Variants in XPNPEP3 observed in about 807,000 individuals in gnomAD.
XPNPEP3 encodes X-prolyl aminopeptidase 3.
XPNPEP3 carries 41 observed loss-of-function variants against 60.0 expected under a neutral mutation model. That is an observed-to-expected ratio of 0.68 (90% confidence interval 0.53 to 0.89). XPNPEP3 has a LOEUF of 0.89. Among genes scored for constraint, XPNPEP3 ranks in the 40% least tolerant of loss-of-function variants. The pLI is 0.00. For missense variants in XPNPEP3, 598 were observed against 638.9 expected, an observed-to-expected ratio of 0.94 and a Z score of 0.69; for synonymous variants, 212 against 223.2, an observed-to-expected ratio of 0.95 and a Z score of 0.45.
At chr22:40,912,542 G>GT (rs2058180737) in intron 6 of XPNPEP3, among the ~76,000 whole-genome samples, 2 of 151,924 alleles carry the variant, frequency 1.3e-5, no homozygotes, top group South Asian at 4.1e-4. Context: ...CCTTACTGTA[G>GT]TAAATCTCAT....
chr22:40,881,486 A>C (rs1228381323), intron 2 of XPNPEP3, among the ~76,000 whole-genome samples: 1 of 152,038 alleles, frequency 6.6e-6, no homozygotes, highest in Non-Finnish European at 1.5e-5. Context: ...TATTCAATGA[A>C]TATAACTGAG....
At position 40,872,224 on chromosome 22, in the gene XPNPEP3, C is replaced by T. The variant is rs906924737; in HGVS notation, c.181+3109C>T. On this transcript the variant is annotated intron_variant, in intron 2 of 9. Coordinates refer to ENST00000357137, the MANE Select transcript of XPNPEP3 (RefSeq NM_022098.4). Reference sequence around the variant, plus strand: ...GGCTGTGCTAGGTTCTGTGATTTTACGGCTAGGTTCTAGTGATTTTCAAAA... The same window carrying T: ...GGCTGTGCTAGGTTCTGTGATTTTATGGCTAGGTTCTAGTGATTTTCAAAA... Among the ~76,000 whole-genome samples the T allele has an allele frequency of 2.6e-5, 4 of 152,120 alleles. 1 individual carries two copies. The South Asian group carries it at 6.2e-4, about 24-fold the overall frequency.
At position 40,857,198 on chromosome 22, in the gene XPNPEP3, C is replaced by G. The variant is rs2057905599; in HGVS notation, c.17C>G (p.Ser6Ter). Residue 6 changes from serine to a stop codon, truncating the protein, a stop_gained, in exon 1 of 10, where the codon TCA becomes TGA. Coordinates refer to ENST00000357137, the MANE Select transcript of XPNPEP3 (RefSeq NM_022098.4). LOFTEE classifies it high-confidence loss of function. MPWLL[S>*]APKLVPAVAN... ...TAGGCCGTAATGCCTTGGCTGCTCT[C>G]AGCCCCCAAGCTGGTTCCCGCTGTA... 2 of 1,614,110 alleles carry G rather than the reference C, an allele frequency of 1.2e-6. No individual in the cohort carries two copies. Among genetic ancestry groups the G allele is most frequent in the Non-Finnish European group, 8.5e-7 (1 of 1,180,050 alleles).
intron 3 of XPNPEP3, 131 bp from the exon 4 acceptor site, chr22:40,886,182 A>C: frequency 1.1e-6 from 1 of 874,858 alleles, no homozygotes; most frequent in Non-Finnish European, 1.9e-6. Context: ...GAGAGTCTTA[A>C]GTCTCAACAC....
chr22:40,904,754 A>C (rs767283682), intron 4 of XPNPEP3, among the ~76,000 whole-genome samples: 1 of 152,064 alleles, frequency 6.6e-6, no homozygotes, highest in Non-Finnish European at 1.5e-5. Context: ...GTGTCCTTTA[A>C]TTGATTTTTT....
chr22:40,909,358 T>TA, intron 6 of XPNPEP3, 123 bp downstream of exon 6: 2 of 807,272 alleles, frequency 2.5e-6, no homozygotes, highest in Non-Finnish European at 4.2e-6. Flanking sequence ...AAGTATTTTA[T>TA]TGCTTATAAA....
At chr22:40,903,048 C>T (rs575063902) in intron 4 of XPNPEP3, among the ~76,000 whole-genome samples, 4 of 152,292 alleles carry the variant, frequency 2.6e-5, no homozygotes, top group African/African-American at 9.6e-5. Context: ...CTGACGAGCT[C>T]ATGGAGACCC....
chr22:40,861,784 C>T, intron 1 of XPNPEP3: 1 of 1,613,544 alleles, frequency 6.2e-7, no homozygotes, highest in Non-Finnish European at 8.5e-7. Context: ...TTTAATCCTT[C>T]TGTGCCATAT....
intron 6 of XPNPEP3, among the ~76,000 whole-genome samples, chr22:40,909,863 T>C (rs998089176): frequency 1.3e-5 from 2 of 151,944 alleles, no homozygotes; most frequent in Non-Finnish European, 2.9e-5. Context: ...TATTCTACTC[T>C]AAAGCCTCTG....
chr22:40,921,221 T>C (rs79601542), intron 7 of XPNPEP3, among the ~76,000 whole-genome samples: 1,864 of 152,194 alleles, frequency 0.012, 38 homozygotes, highest in African/African-American at 0.042. Context: ...TCAAGGGACA[T>C]ACCTACAAGT....
chr22:40,887,422 A>G (rs953176855), intron 4 of XPNPEP3, among the ~76,000 whole-genome samples: 2 of 152,152 alleles, frequency 1.3e-5, no homozygotes, highest in Non-Finnish European at 2.9e-5. Context: ...AACAAGAGAA[A>G]TGTATTGTCT....
rs2058122478 is a variant in XPNPEP3, at chr22:40,899,411, C to T, written c.793-8176C>T. Among the ~76,000 whole-genome samples, 3 of 152,174 alleles carry T rather than the reference C, an allele frequency of 2.0e-5. No individual in the cohort carries two copies. In the South Asian group the frequency reaches 6.2e-4, roughly 31 times the overall value. ...ATCCATTTTGCTAGCTCGTGAAGTTCAGGGTCTATCATTTCCACATTCCAT... is the reference window on the plus strand; with the variant it reads ...ATCCATTTTGCTAGCTCGTGAAGTTTAGGGTCTATCATTTCCACATTCCAT... On this transcript the variant is annotated intron_variant, in intron 4 of 9. Transcript: ENST00000357137.
At position 40,886,483 on chromosome 22, in the gene XPNPEP3, C is replaced by T. The variant is rs369303034; in HGVS notation, c.760C>T (p.Arg254Ter). The T allele has an allele frequency of 6.8e-6, 11 of 1,613,856 alleles. No individual in the cohort carries two copies. The African/African-American group carries it at 1.1e-4, about 16-fold the overall frequency. ...GATCAAGTCTCCTGCAGAAATTGAA[C>T]GAATGCAGATTGCTGGGAAGCTGAC... The part of the protein sequence containing the change: ...RLIKSPAEIE[R>*]MQIAGKLTSQ... Residue 254 changes from arginine (R) to a stop codon, truncating the protein, a stop_gained, in exon 4 of 10, where the codon CGA becomes TGA. Transcript: ENST00000357137. LOFTEE classifies it high-confidence loss of function.
At chr22:40,921,998 A>G (rs2058218355) in intron 7 of XPNPEP3, among the ~76,000 whole-genome samples, 1 of 151,502 alleles carries the variant, frequency 6.6e-6, no homozygotes, top group Non-Finnish European at 1.5e-5. Flanking sequence ...ATGGTAGTCT[A>G]TGCTGTAAGG....
intron 2 of XPNPEP3, among the ~76,000 whole-genome samples, chr22:40,873,103 T>TC (rs1394425016): frequency 1.7e-4 from 22 of 130,032 alleles, no homozygotes; most frequent in Admixed American, 4.5e-4. Context: ...TTTTTCTTTT[T>TC]TTTTTTTTTT....
chr22:40,877,828 C>T (rs55829091), intron 2 of XPNPEP3, among the ~76,000 whole-genome samples: 143 of 152,314 alleles, frequency 9.4e-4, no homozygotes, highest in Non-Finnish European at 1.9e-3. Flanking sequence ...ATAACACCTT[C>T]CAAGTTTACT....
chr22:40,901,743 G>C (rs1420122487), intron 4 of XPNPEP3, among the ~76,000 whole-genome samples: 1 of 152,210 alleles, frequency 6.6e-6, no homozygotes, highest in African/African-American at 2.4e-5. Flanking sequence ...GGGACTACAG[G>C]CGTGAGCCAC....
intron 4 of XPNPEP3, chr22:40,888,344 A>G (rs551349450): frequency 3.4e-5 from 13 of 381,448 alleles, no homozygotes; most frequent in South Asian, 2.5e-4. Flanking sequence ...CCTGGGTTCA[A>G]GTGATCCTCC....
At chr22:40,898,229 T>TGAGTTAATATTTATATATGGTATAAAC (rs2058117227) in intron 4 of XPNPEP3, among the ~76,000 whole-genome samples, 1 of 31,602 alleles carries the variant, frequency 3.2e-5, no homozygotes, top group African/African-American at 1.3e-4. Flanking sequence ...TGACCCATTT[T>TGAGTTAATATTTATATATGGTATAAAC]TTTTTTTTTT....
Sources: allele counts gnomAD v4.1 joint callset (sites outside exome capture counted in the v4.1 genomes callset), GRCh38; gene constraint gnomAD v4.1.1; transcripts MANE v1.5; gene names NCBI Gene and HGNC (gene_info 2026-07-23, HGNC 2026-07-21).